The following LAMA4 variants were observed in gnomAD, a reference collection of about 807,000 sequenced individuals.
LAMA4 encodes laminin subunit alpha 4, also known as laminin subunit alpha-4.
In LAMA4, 127 loss-of-function variants were observed where a neutral mutation model predicts 207.1. The ratio of observed to expected loss-of-function variants is 0.61; its 90% CI spans 0.53 to 0.71. The LOEUF is 0.71. LAMA4 is among the 30% of genes least tolerant of loss of function. The pLI, the probability that LAMA4 is intolerant of heterozygous loss-of-function variation, is 0.00. For synonymous variants in LAMA4, 761 were observed against 816.0 expected (o/e 0.93, Z 1.15); for missense variants, 2,093 against 2,246.5 (o/e 0.93, Z 1.38).
At chr6:112,181,820 C>T (rs561311667) in intron 9 of LAMA4, among the ~76,000 whole-genome samples, 11 of 152,248 alleles carry the variant, frequency 7.2e-5, no homozygotes, top group South Asian at 4.1e-4. Flanking sequence ...TGTCACAGGC[C>T]GGGCGCGGTG....
rs1163974945 is a variant in LAMA4, at chr6:112,231,702, A to G, written c.196-15233T>C. ...TGCAGGTGTTTCCCTCATGAATCAG[A>G]GGCAGATGTCTGCTCAGGCAGAATA... On this transcript the variant is annotated intron_variant, in intron 2 of 38. Coordinates refer to ENST00000230538, the MANE Select transcript of LAMA4 (RefSeq NM_001105206.3). Among the ~76,000 whole-genome samples, 6 of 152,316 alleles carry G rather than the reference A, an allele frequency of 3.9e-5. No individual in the cohort carries two copies. In the South Asian group the frequency reaches 8.3e-4, roughly 21 times the overall value.
intron 2 of LAMA4, among the ~76,000 whole-genome samples, chr6:112,237,294 A>C (rs1786003414): frequency 6.6e-6 from 1 of 152,204 alleles, no homozygotes; most frequent in Admixed American, 6.5e-5. Context: ...GCAACCAGTG[A>C]CAAGTACTGG....
intron 4 of LAMA4, among the ~76,000 whole-genome samples, chr6:112,202,439 TAG>T (rs1783806031): frequency 7.2e-6 from 1 of 138,220 alleles, no homozygotes; most frequent in African/African-American, 2.9e-5. Context: ...GTGTGGGGCA[TAG>T]GGGTGTGTGT....
intron 35 of LAMA4, among the ~76,000 whole-genome samples, chr6:112,116,710 C>A (rs1778039781): frequency 4.6e-5 from 7 of 152,106 alleles, no homozygotes; most frequent in Admixed American, 4.6e-4. Context: ...AAATAATGTT[C>A]ATTTAATGTA....
chr6:112,146,110 C>A (rs1434168703), intron 18 of LAMA4, among the ~76,000 whole-genome samples: 2 of 152,046 alleles, frequency 1.3e-5, no homozygotes, highest in Non-Finnish European at 2.9e-5. Flanking sequence ...GCCAACATGG[C>A]AAAACCCCAT....
chr6:112,216,257 T>G, intron 3 of LAMA4, 111 bp downstream of exon 3: 1 of 759,532 alleles, frequency 1.3e-6, no homozygotes, highest in East Asian at 2.6e-5. Flanking sequence ...CAAAAGCACT[T>G]GATTAGCAGT....
chr6:112,227,638 CATT>C (rs1228071044), intron 2 of LAMA4, among the ~76,000 whole-genome samples: 2 of 152,150 alleles, frequency 1.3e-5, no homozygotes, highest in Non-Finnish European at 2.9e-5. Flanking sequence ...CTTTATGTAT[CATT>C]ATTATTAACA....
intron 26 of LAMA4, 36 bp from the exon 27 acceptor site, chr6:112,133,523 G>C (rs1554330627): frequency 1.2e-6 from 2 of 1,611,318 alleles, no homozygotes; most frequent in Admixed American, 1.7e-5. Flanking sequence ...ATACAGCCAT[G>C]ATGATGATGT....
chr6:112,228,874 A>G (rs1228161217), intron 2 of LAMA4, among the ~76,000 whole-genome samples: 4 of 152,026 alleles, frequency 2.6e-5, no homozygotes, highest in Non-Finnish European at 4.4e-5. Flanking sequence ...ATCTGGGGGG[A>G]CAGGTGCAGA....
intron 29 of LAMA4, 74 bp downstream of exon 29, chr6:112,130,894 T>G: frequency 6.7e-7 from 1 of 1,493,818 alleles, no homozygotes; most frequent in Non-Finnish European, 9.3e-7. Flanking sequence ...CAGCCTATTA[T>G]TCATAGTGGT....
chr6:112,246,157 A>C (rs1451162154), intron 2 of LAMA4, among the ~76,000 whole-genome samples: 2 of 152,246 alleles, frequency 1.3e-5, no homozygotes, highest in Non-Finnish European at 2.9e-5. Flanking sequence ...GCCAAAAAGA[A>C]AAACAGTTGA....
chr6:112,142,318 A>C (rs1779747714), intron 19 of LAMA4, 26 bp from the exon 20 acceptor site: 3 of 1,612,746 alleles, frequency 1.9e-6, no homozygotes, highest in Admixed American at 1.7e-5. Context: ...GGTTTCATTA[A>C]AAGTGCTTTG....
At chr6:112,183,675 G>T (rs1426853298) in intron 9 of LAMA4, among the ~76,000 whole-genome samples, 1 of 152,086 alleles carries the variant, frequency 6.6e-6, no homozygotes, top group Non-Finnish European at 1.5e-5. Flanking sequence ...TTAAGGCTGG[G>T]CGTGGTGGTT....
chr6:112,207,217 T>C, intron 3 of LAMA4, 72 bp from the exon 4 acceptor site: 2 of 1,552,776 alleles, frequency 1.3e-6, no homozygotes, highest in Non-Finnish European at 1.8e-6. Flanking sequence ...CTAAGCATCA[T>C]GCAATACTTT....
At chr6:112,179,992 AT>A in intron 9 of LAMA4, 1 of 516,442 alleles carries the variant, frequency 1.9e-6, no homozygotes, top group Non-Finnish European at 4.0e-6. Flanking sequence ...AAAATTAAAT[AT>A]GCAGAAACTA....
chr6:112,136,181 G>T lies in LAMA4; in HGVS notation c.3356C>A (p.Pro1119His), dbSNP rs1050349. Residue 1119 changes from proline to histidine, a missense_variant, in exon 25 of 39, where the codon CCT (proline) becomes CAT (histidine). Around this residue, in one of 3 missense-constraint regions of LAMA4, gnomAD observed 1,704 missense variants for 1,788.4 expected, o/e 0.95. Transcript: ENST00000230538. ...VFYDFGFSGG[P>H]VHLEDTLKKA... ...CTTTAACGTATCTTCAAGATGCACAGGGCCACCGCTGAATCCAAAATCATA... is the reference window on the plus strand; with the variant it reads ...CTTTAACGTATCTTCAAGATGCACATGGCCACCGCTGAATCCAAAATCATA... 1.2e-5 allele frequency: 20 copies of T among 1,612,004 alleles called. No homozygotes were observed. Among genetic ancestry groups the T allele is most frequent in the South Asian group, 7.7e-5 (7 of 91,050 alleles).
intron 3 of LAMA4, among the ~76,000 whole-genome samples, chr6:112,214,349 G>A (rs1270147389): frequency 4.6e-5 from 7 of 151,972 alleles, no homozygotes; most frequent in Non-Finnish European, 1.0e-4. Flanking sequence ...CTCCCAAAGT[G>A]CTGGGATTAC....
intron 13 of LAMA4, among the ~76,000 whole-genome samples, 199 bp downstream of exon 13, chr6:112,164,961 A>T (rs1045384717): frequency 2.0e-5 from 3 of 152,248 alleles, no homozygotes; most frequent in African/African-American, 4.8e-5. Flanking sequence ...AATTTTATTT[A>T]ATTTTAAGTA....
At chr6:112,233,222 T>C (rs1047982527) in intron 2 of LAMA4, among the ~76,000 whole-genome samples, 5 of 152,200 alleles carry the variant, frequency 3.3e-5, no homozygotes, top group Admixed American at 2.0e-4. Context: ...AGCATACACA[T>C]ACCATGAGCA....
Sources: gnomAD v4.1 joint callset for allele counts (sites outside exome capture counted in the v4.1 genomes callset) on GRCh38, gnomAD v4.1.1 for gene constraint, gnomAD v4.1.1 regional missense constraint, MANE v1.5 for transcripts, NCBI Gene and HGNC (gene_info 2026-07-23, HGNC 2026-07-21) for gene names.